The following RB1CC1 variants were observed in gnomAD, a reference collection of about 807,000 sequenced individuals.
RB1CC1 encodes the protein RB1 inducible coiled-coil 1, also known as RB1-inducible coiled-coil protein 1.
A neutral mutation model predicts 177.5 loss-of-function variants in RB1CC1; 46 were observed. The observed-to-expected ratio is 0.26, with a 90% confidence interval of 0.20 to 0.33. The LOEUF is 0.33. RB1CC1 is among the 10% of genes least tolerant of loss of function. The pLI, the probability that RB1CC1 is intolerant of heterozygous loss-of-function variation, is 1.00. For synonymous variants in RB1CC1, 666 were observed against 613.6 expected (o/e 1.09, Z -1.26); for missense variants, 1,703 against 1,816.3 (o/e 0.94, Z 1.13).
rs972827945 is a variant in RB1CC1, at chr8:52,683,610, T to C, written c.308A>G (p.Glu103Gly). 5 of 1,612,798 alleles carry C rather than the reference T, an allele frequency of 3.1e-6. No homozygotes were observed. Among genetic ancestry groups the C allele is most frequent in the Non-Finnish European group, 3.4e-6 (4 of 1,179,560 alleles). ...AACTGCAGGCATCATAAGAGATTCTTCAACTTTTATTTCCATGTCATTTTC... is the reference window on the plus strand; with the variant it reads ...AACTGCAGGCATCATAAGAGATTCTCCAACTTTTATTTCCATGTCATTTTC... ...STENDMEIKV[E>G]ESLMMPAVFH... Residue 103 changes from glutamate to glycine, a missense_variant, in exon 5 of 24, where the codon GAA becomes GGA. Physicochemically the swap from Glu to Gly is moderately conservative, Grantham distance 98. Transcript: ENST00000025008.
intron 1 of RB1CC1, among the ~76,000 whole-genome samples, chr8:52,706,164 T>G (rs1258752379): frequency 6.6e-6 from 1 of 151,006 alleles, no homozygotes; most frequent in African/African-American, 2.4e-5. Context: ...GATGACACCC[T>G]ATACATTACA....
At chr8:52,666,804 A>T (rs946591940) in intron 8 of RB1CC1, among the ~76,000 whole-genome samples, 1 of 152,160 alleles carries the variant, frequency 6.6e-6, no homozygotes. Flanking sequence ...AATGTAGGTT[A>T]AAGGAAAATA....
In RB1CC1 at chr8:52,623,678, G is replaced by C; in HGVS notation, c.*104C>G. The stretch of plus-strand genomic sequence containing the variant: ...CACCAGTGAAGTATATTGTCACGCT[G>C]ACTTTTGCATAAAAAGATGGCCTGC... On this transcript the variant is annotated 3_prime_UTR_variant, in exon 24 of 24. Coordinates refer to ENST00000025008, the MANE Select transcript of RB1CC1 (RefSeq NM_014781.5). 1.3e-6 allele frequency: 1 copy of C among 793,038 alleles called. No individual in the cohort carries two copies. Among genetic ancestry groups the C allele is most frequent in the Non-Finnish European group, 2.2e-6 (1 of 453,142 alleles). 49.1% of individuals were successfully genotyped at this position (793,038 alleles called of 1,614,324 possible).
At chr8:52,701,226 A>C (rs1422412406) in intron 1 of RB1CC1, among the ~76,000 whole-genome samples, 1 of 151,760 alleles carries the variant, frequency 6.6e-6, no homozygotes, top group African/African-American at 2.4e-5. Context: ...GGGTTCAAGG[A>C]ATTCTCCTGC....
intron 8 of RB1CC1, among the ~76,000 whole-genome samples, chr8:52,666,467 G>A (rs1164940028): frequency 1.3e-5 from 2 of 151,292 alleles, no homozygotes; most frequent in African/African-American, 4.9e-5. Context: ...GCAGTGAGAC[G>A]AGATAGCGCC....
intron 18 of RB1CC1, among the ~76,000 whole-genome samples, chr8:52,639,494 T>C (rs762572239): frequency 6.6e-6 from 1 of 152,198 alleles, no homozygotes; most frequent in Non-Finnish European, 1.5e-5. Context: ...ATTTTATTTA[T>C]TGTCTTGCTG....
chr8:52,651,546 A>T (rs1378643037), intron 15 of RB1CC1, among the ~76,000 whole-genome samples: 1 of 152,204 alleles, frequency 6.6e-6, no homozygotes, highest in African/African-American at 2.4e-5. Context: ...CATTCAGAGG[A>T]CAAGTGAAGT....
At chr8:52,705,702 T>A (rs1856482800) in intron 1 of RB1CC1, among the ~76,000 whole-genome samples, 1 of 152,190 alleles carries the variant, frequency 6.6e-6, no homozygotes, top group Non-Finnish European at 1.5e-5. Flanking sequence ...AAATAAATTA[T>A]GCCTATAGTC....
In RB1CC1 at chr8:52,622,547, C is replaced by A. The variant is rs997636587; in HGVS notation, c.*1235G>T. ...ATTCCATTTTGTACTATTAGATATA[C>A]ATATTTAAAAAAATATTTAACTTAT... On this transcript the variant is annotated 3_prime_UTR_variant, in exon 24 of 24. Coordinates refer to ENST00000025008, the MANE Select transcript of RB1CC1 (RefSeq NM_014781.5). 1.3e-5 allele frequency: 2 copies of A among 151,810 alleles called. No homozygotes were observed. The highest frequency in any genetic ancestry group is 3.0e-5 in the Non-Finnish European group (2 of 67,534). The allele number at this position is 151,810 out of a possible 1,614,324, so 9.4% of individuals were successfully genotyped here. A position where few individuals can be genotyped will look rare whatever the true frequency, so the allele number is the denominator to read the frequency against.
At chr8:52,676,182 A>C (rs897145542) in intron 6 of RB1CC1, among the ~76,000 whole-genome samples, 187 bp downstream of exon 6, 13 of 152,302 alleles carry the variant, frequency 8.5e-5, no homozygotes, top group Middle Eastern at 3.4e-3. Context: ...TCATACATGT[A>C]AAGAGAATTA....
At chr8:52,660,689 T>C (rs559593602) in intron 11 of RB1CC1, 32 bp from the exon 12 acceptor site, 1 of 1,552,332 alleles carries the variant, frequency 6.4e-7, no homozygotes, top group African/African-American at 1.4e-5. Flanking sequence ...ATGGTTATTT[T>C]AGAGCTTTAT....
At chr8:52,660,788 C>G (rs1851544941) in intron 11 of RB1CC1, 131 bp from the exon 12 acceptor site, 1 of 1,086,760 alleles carries the variant, frequency 9.2e-7, no homozygotes, top group East Asian at 2.6e-5. Context: ...GGATTCAATT[C>G]TATACACTTT....
intron 1 of RB1CC1, among the ~76,000 whole-genome samples, chr8:52,712,838 A>G (rs1325356092): frequency 6.6e-6 from 1 of 152,236 alleles, no homozygotes; most frequent in Non-Finnish European, 1.5e-5. Flanking sequence ...CAACAAATAT[A>G]AAAAGCGAAC....
At chr8:52,645,608 T>C (rs1849946524) in intron 16 of RB1CC1, 94 bp downstream of exon 16, 2 of 1,266,270 alleles carry the variant, frequency 1.6e-6, no homozygotes, top group Non-Finnish European at 2.2e-6. Flanking sequence ...ACATCTAAGA[T>C]ATAAGAAACC....
intron 20 of RB1CC1, among the ~76,000 whole-genome samples, chr8:52,632,937 C>A (rs973411623): frequency 6.6e-6 from 1 of 152,186 alleles, no homozygotes; most frequent in African/African-American, 2.4e-5. Flanking sequence ...CTAAGTCAGA[C>A]TGAAGCATAA....
intron 8 of RB1CC1, among the ~76,000 whole-genome samples, chr8:52,663,785 A>T (rs1001664379): frequency 2.0e-5 from 3 of 152,166 alleles, no homozygotes; most frequent in Non-Finnish European, 4.4e-5. Context: ...CATTTCTCAA[A>T]TTCAAAAAAA....
At chr8:52,676,664 C>T (rs1279307782) in intron 5 of RB1CC1, 93 bp from the exon 6 acceptor site, 11 of 1,069,058 alleles carry the variant, frequency 1.0e-5, no homozygotes, top group Admixed American at 2.5e-5. Context: ...CGTGTGGATG[C>T]GTTGTAGAGC....
intron 1 of RB1CC1, among the ~76,000 whole-genome samples, chr8:52,688,859 CTCTT>C (rs1303346222): frequency 2.6e-5 from 4 of 152,174 alleles, no homozygotes; most frequent in Non-Finnish European, 5.9e-5. Flanking sequence ...TATACTGTCT[CTCTT>C]TATTTCTCAG....
At chr8:52,702,850 A>G (rs948371444) in intron 1 of RB1CC1, among the ~76,000 whole-genome samples, 9 of 150,050 alleles carry the variant, frequency 6.0e-5, no homozygotes, top group Admixed American at 3.3e-4. Flanking sequence ...GCTGTTGCAG[A>G]AAAAAAAAAG....
Sources: allele counts gnomAD v4.1 joint callset (sites outside exome capture counted in the v4.1 genomes callset), GRCh38; gene constraint gnomAD v4.1.1; transcripts MANE v1.5; gene names NCBI Gene and HGNC (gene_info 2026-07-23, HGNC 2026-07-21).